The following RNF17 variants were observed in gnomAD, a reference collection of about 807,000 sequenced individuals.
RNF17 encodes the protein spermatogenesis associated 23.
A neutral mutation model predicts 200.5 loss-of-function variants in RNF17; 31 were observed. The ratio of observed to expected loss-of-function variants is 0.15; its 90% CI spans 0.12 to 0.21. The LOEUF is 0.21. Ranked by LOEUF, RNF17 falls within the 10% of genes least tolerant of loss-of-function variation. The pLI, the probability that RNF17 is intolerant of heterozygous loss-of-function variation, is 1.00. For synonymous variants in RNF17, 606 were observed against 637.8 expected (o/e 0.95, Z 0.75); for missense variants, 1,628 against 1,905.1 (o/e 0.85, Z 2.71).
intron 27 of RNF17, 149 bp downstream of exon 27, chr13:24,861,536 C>G: frequency 4.0e-6 from 2 of 499,380 alleles, no homozygotes; most frequent in Non-Finnish European, 6.5e-6. Context: ...GACAGCTAAA[C>G]AGCCTTTATG....
chr13:24,871,846 T>A (rs1464260692), intron 32 of RNF17, among the ~76,000 whole-genome samples: 1 of 152,064 alleles, frequency 6.6e-6, no homozygotes, highest in Non-Finnish European at 1.5e-5. Context: ...TTGGCCGGTC[T>A]GGTCTCGAAT....
intron 6 of RNF17, among the ~76,000 whole-genome samples, chr13:24,786,296 A>G (rs1403999622): frequency 5.3e-5 from 8 of 152,176 alleles, no homozygotes; most frequent in Non-Finnish European, 1.2e-4. Context: ...TAAAACCTCT[A>G]CTGCTTTACA....
chr13:24,827,722 AAAAAAAAAAC>A (rs1566188532), intron 16 of RNF17, among the ~76,000 whole-genome samples: 5 of 146,730 alleles, frequency 3.4e-5, no homozygotes, highest in African/African-American at 1.3e-4. Context: ...AAAAAACAAA[AAAAAAAAAAC>A]AATAGAAATT....
At chr13:24,866,758 G>A (rs79752938) in intron 30 of RNF17, among the ~76,000 whole-genome samples, 2 of 126,558 alleles carry the variant, frequency 1.6e-5, no homozygotes, top group African/African-American at 5.9e-5. Flanking sequence ...ATGTAGACAT[G>A]TTTTCCCTTC....
At chr13:24,796,407 G>T (rs1884577361) in intron 11 of RNF17, 112 bp downstream of exon 11, 1 of 613,556 alleles carries the variant, frequency 1.6e-6, no homozygotes. Context: ...AAGTTCATTT[G>T]TAGTAAGCAT....
intron 15 of RNF17, among the ~76,000 whole-genome samples, chr13:24,818,861 G>T (rs964178781): frequency 2.6e-5 from 4 of 151,908 alleles, no homozygotes; most frequent in African/African-American, 9.7e-5. Context: ...CTTTTAATTG[G>T]AGAGTTTAAT....
At chr13:24,766,144 A>G (rs145734673) in intron 1 of RNF17, among the ~76,000 whole-genome samples, 1 of 152,232 alleles carries the variant, frequency 6.6e-6, no homozygotes, top group Non-Finnish European at 1.5e-5. Context: ...GCAGGAGAAT[A>G]GCATGAACTC....
At chr13:24,866,755 C>CAT (rs35453579) in intron 30 of RNF17, among the ~76,000 whole-genome samples, 149,607 of 152,274 alleles carry the variant, frequency 0.98, 73,534 homozygotes, top group Middle Eastern at 1. Flanking sequence ...TTTATGTAGA[C>CAT]ATGTTTTCCC....
At chr13:24,884,000 TTTC>T (rs1953937370), downstream of RNF17, 6 of 1,614,200 alleles carry the variant, frequency 3.7e-6, no homozygotes, top group African/African-American at 1.3e-5. Context: ...GGGAAAATGC[TTTC>T]TTCTTGTCCA....
At position 24,826,171 on chromosome 13, in the gene RNF17, A is replaced by C. The variant is rs1462001251; in HGVS notation, c.2245+399A>C. ...TTTTAATATATTCTTCTTTCCTGGGAATTATTGACTGAACTGCTAGTTTTC... is the reference window on the plus strand; with the variant it reads ...TTTTAATATATTCTTCTTTCCTGGGCATTATTGACTGAACTGCTAGTTTTC... On this transcript the variant is annotated intron_variant, in intron 16 of 35. Transcript: ENST00000255324. 13 of 805,794 alleles carry C rather than the reference A, an allele frequency of 1.6e-5. No individual in the cohort carries two copies. In the South Asian group the frequency reaches 7.3e-4, roughly 45 times the overall value. The allele number at this position is 805,794 out of a possible 1,614,324, so 49.9% of individuals were successfully genotyped here.
chr13:24,881,794 CTCTATATATCTAGATA>C (rs1165089157), downstream of RNF17, among the ~76,000 whole-genome samples: 1 of 141,088 alleles, frequency 7.1e-6, no homozygotes, highest in Admixed American at 7.1e-5. Context: ...GAAACCCCGT[CTCTATATATCTAGATA>C]TCTATCTATA....
chr13:24,873,656 A>G (rs186505701), intron 32 of RNF17, among the ~76,000 whole-genome samples: 1 of 152,206 alleles, frequency 6.6e-6, no homozygotes, highest in Non-Finnish European at 1.5e-5. Flanking sequence ...ATTCCTTCCA[A>G]CTATATGTTT....
At chr13:24,765,522 G>A (rs1237900331) in intron 1 of RNF17, among the ~76,000 whole-genome samples, 1 of 152,200 alleles carries the variant, frequency 6.6e-6, no homozygotes, top group African/African-American at 2.4e-5. Flanking sequence ...TGCAGAAAAA[G>A]TTGTGATTTC....
intron 29 of RNF17, 101 bp from the exon 30 acceptor site, chr13:24,866,043 C>A: frequency 1.5e-6 from 1 of 686,016 alleles, no homozygotes; most frequent in Non-Finnish European, 2.6e-6. Flanking sequence ...TAAATGAATA[C>A]CAACAAGGAA....
chr13:24,829,658 A>AT (rs955910273), intron 16 of RNF17, among the ~76,000 whole-genome samples: 1 of 152,114 alleles, frequency 6.6e-6, no homozygotes, highest in African/African-American at 2.4e-5. Context: ...AGAATACTGG[A>AT]TTTTTTTGCA....
At chr13:24,878,513 A>T (rs1420087753) in intron 34 of RNF17, among the ~76,000 whole-genome samples, 1 of 152,174 alleles carries the variant, frequency 6.6e-6, no homozygotes, top group Non-Finnish European at 1.5e-5. Flanking sequence ...CTCAGTCTGG[A>T]GGCCTCAGAA....
the RNF17 span, among the ~76,000 whole-genome samples, chr13:24,757,998 T>G: frequency 3.3e-5 from 5 of 152,182 alleles, no homozygotes; most frequent in East Asian, 1.9e-4. Context: ...AGTGTTCTCA[T>G]GAGATCTTCC....
chr13:24,817,011 T>A (rs1887489840), intron 15 of RNF17, among the ~76,000 whole-genome samples: 1 of 152,226 alleles, frequency 6.6e-6, no homozygotes, highest in African/African-American at 2.4e-5. Flanking sequence ...TCTTTTAATA[T>A]GCTGAATTTG....
intron 28 of RNF17, among the ~76,000 whole-genome samples, chr13:24,863,475 G>A (rs1170938848): frequency 6.6e-6 from 1 of 152,152 alleles, no homozygotes; most frequent in Non-Finnish European, 1.5e-5. Flanking sequence ...GGGTTGGTAG[G>A]GAGAGCCTCA....
Sources: gnomAD v4.1 joint callset for allele counts (sites outside exome capture counted in the v4.1 genomes callset) on GRCh38, gnomAD v4.1.1 for gene constraint, MANE v1.5 for transcripts, NCBI Gene and HGNC (gene_info 2026-07-23, HGNC 2026-07-21) for gene names.